The following PHACTR1 variants were observed in gnomAD, a reference collection of about 807,000 sequenced individuals.
PHACTR1 encodes the protein RPEL repeat containing 1.
In PHACTR1, 16 loss-of-function variants were observed where a neutral mutation model predicts 69.2. The ratio of observed to expected loss-of-function variants is 0.23; its 90% confidence interval spans 0.16 to 0.35. The LOEUF is 0.35. Among genes scored for constraint, PHACTR1 ranks in the 10% least tolerant of loss-of-function variants. The probability of loss-of-function intolerance (pLI) is 1.00; values close to 1 mark genes in which losing one functional copy is unlikely to be tolerated. For missense variants in PHACTR1, 510 were observed against 734.7 expected, an observed-to-expected ratio of 0.69 and a Z score of 3.54; for synonymous variants, 312 against 284.5, an observed-to-expected ratio of 1.10 and a Z score of -0.97.
chr6:12,942,009 C>T (rs1790108113), intron 4 of PHACTR1, among the ~76,000 whole-genome samples: 2 of 152,104 alleles, frequency 1.3e-5, no homozygotes, highest in African/African-American at 2.4e-5. Flanking sequence ...ATAAATGGCT[C>T]ATCAATTCCC....
At chr6:13,084,319 A>G (rs1811919062) in intron 5 of PHACTR1, among the ~76,000 whole-genome samples, 1 of 146,114 alleles carries the variant, frequency 6.8e-6, no homozygotes. Context: ...TGGGAATTGA[A>G]CAATGAGAAC....
intron 4 of PHACTR1, among the ~76,000 whole-genome samples, chr6:12,940,687 A>G (rs951897934): frequency 1.1e-4 from 16 of 152,202 alleles, no homozygotes; most frequent in African/African-American, 3.9e-4. Context: ...TAAAGCAAGC[A>G]GGTTGGAGAT....
intron 4 of PHACTR1, among the ~76,000 whole-genome samples, chr6:13,024,673 T>G (rs1466639577): frequency 6.6e-6 from 1 of 152,220 alleles, no homozygotes; most frequent in Non-Finnish European, 1.5e-5. Flanking sequence ...TGTTTTCTAC[T>G]AGTCATGATA....
chr6:12,885,745 T>A (rs1314661868), intron 4 of PHACTR1, among the ~76,000 whole-genome samples: 1 of 152,236 alleles, frequency 6.6e-6, no homozygotes, highest in East Asian at 1.9e-4. Flanking sequence ...TCTCATCTGA[T>A]GCTAGCGATG....
chr6:13,130,685 G>C (rs1820274000), intron 5 of PHACTR1, among the ~76,000 whole-genome samples: 1 of 151,864 alleles, frequency 6.6e-6, no homozygotes. Context: ...CAATAAAAAA[G>C]GTCCAGGACC....
rs760163672 is a variant in PHACTR1 at position 12,749,704 on chromosome 6, T to C, written c.164T>C (p.Ile55Thr). 15 of 1,611,294 alleles carry C rather than the reference T, an allele frequency of 9.3e-6. No homozygotes were observed. The highest frequency in any genetic ancestry group is 1.6e-4 in the Middle Eastern group (1 of 6,074). ...TLMAASSEDD[I>T]DRRPIRRVRS... is the part of the protein sequence containing the mutation. ...ATGGCGGCATCCTCGGAGGATGATA[T>C]AGACCGGCGGCCCATCCGGAGAGTG... The change falls in exon 4 of 15, where the codon ATA (isoleucine) becomes ACA (threonine). Residue 55 changes from isoleucine to threonine, a missense_variant. Physicochemically the swap from Ile to Thr is moderately conservative, Grantham distance 89. This residue lies in a region of PHACTR1 where 419 missense variants were observed against 530.9 expected (regional missense o/e 0.79). Coordinates refer to ENST00000332995, the MANE Select transcript of PHACTR1 (RefSeq NM_030948.6).
In PHACTR1 at chr6:12,718,807, T is replaced by C. The variant is rs1213722105; in HGVS notation, c.63T>C (p.Val21=). The change falls in exon 3 of 15, where the codon GTT becomes GTC. Residue 21 remains valine (V), a synonymous_variant. Coordinates refer to ENST00000332995, the MANE Select transcript of PHACTR1 (RefSeq NM_030948.6). ...AGTCTGCTCACAGACTCTTGGATGT[T>C]GAGTCAGCTCAAAGATTCTTCTACA... ...DVESAHRLLD[V]ESAQRFFYSQ... 1 of 1,573,546 alleles carries C rather than the reference T, an allele frequency of 6.4e-7. No individual in the cohort carries two copies. The highest frequency in any genetic ancestry group is 1.8e-5 in the Admixed American group (1 of 54,442).
intron 4 of PHACTR1, among the ~76,000 whole-genome samples, chr6:12,872,115 C>T: frequency 6.6e-6 from 1 of 152,102 alleles, no homozygotes; most frequent in East Asian, 1.9e-4. Flanking sequence ...CTGATTGCTA[C>T]TGGATTTCCA....
In PHACTR1 at chr6:13,181,652, C is replaced by T. The variant is rs573648165; in HGVS notation, c.497-867C>T. Among the ~76,000 whole-genome samples, 10 of 152,254 alleles carry T rather than the reference C, an allele frequency of 6.6e-5. No homozygotes were observed. The South Asian group carries it at 1.7e-3, about 25-fold the overall frequency. Reference sequence around the variant, plus strand: ...TGCACTACGTGGCGTGATTGGTGGTCGGCACCGGGAGAATTCTGGCACTTC... The same window carrying T: ...TGCACTACGTGGCGTGATTGGTGGTTGGCACCGGGAGAATTCTGGCACTTC... On this transcript the variant is annotated intron_variant, in intron 6 of 14. Transcript: ENST00000332995.
intron 4 of PHACTR1, among the ~76,000 whole-genome samples, chr6:12,846,969 C>G (rs970248483): frequency 2.0e-5 from 3 of 146,496 alleles, no homozygotes; most frequent in African/African-American, 5.2e-5. Context: ...GCCACACACC[C>G]TGCTAATTTT....
At chr6:13,054,292 G>A (rs1806439878) in intron 5 of PHACTR1, among the ~76,000 whole-genome samples, 1 of 152,212 alleles carries the variant, frequency 6.6e-6, no homozygotes, top group Non-Finnish European at 1.5e-5. Flanking sequence ...TTTTAAATAA[G>A]TAAGGGTGTG....
intron 5 of PHACTR1, among the ~76,000 whole-genome samples, chr6:13,140,257 A>G (rs561224021): frequency 1.3e-5 from 2 of 152,326 alleles, no homozygotes; most frequent in East Asian, 1.9e-4. Context: ...TGGAATTACC[A>G]TATAACCCAG....
chr6:12,739,878 A>G (rs1764808715), intron 3 of PHACTR1, among the ~76,000 whole-genome samples: 1 of 152,156 alleles, frequency 6.6e-6, no homozygotes, highest in Non-Finnish European at 1.5e-5. Context: ...GTAGAGCAAC[A>G]TGCACAAATA....
At chr6:13,085,164 A>T (rs1224838973) in intron 5 of PHACTR1, among the ~76,000 whole-genome samples, 1 of 151,988 alleles carries the variant, frequency 6.6e-6, no homozygotes, top group African/African-American at 2.4e-5. Flanking sequence ...AACTCCATTT[A>T]GTGGAGATCT....
At chr6:12,751,193 A>G (rs900602871) in intron 4 of PHACTR1, among the ~76,000 whole-genome samples, 2 of 152,162 alleles carry the variant, frequency 1.3e-5, no homozygotes, top group Admixed American at 6.5e-5. Flanking sequence ...TTGGAATATA[A>G]TTTTCCTGTC....
At chr6:12,825,526 T>C (rs936070845) in intron 4 of PHACTR1, among the ~76,000 whole-genome samples, 2 of 152,234 alleles carry the variant, frequency 1.3e-5, no homozygotes, top group South Asian at 2.1e-4. Context: ...TTTGTGTTAA[T>C]ACAGCCAATT....
chr6:13,247,601 C>T (rs189628158), intron 10 of PHACTR1, among the ~76,000 whole-genome samples: 10 of 152,262 alleles, frequency 6.6e-5, no homozygotes, highest in African/African-American at 2.4e-4. Flanking sequence ...CCGCCTTGGC[C>T]TCCCAAAGTG....
chr6:13,007,818 C>T (rs1305594247), intron 4 of PHACTR1, among the ~76,000 whole-genome samples: 1 of 152,100 alleles, frequency 6.6e-6, no homozygotes, highest in Admixed American at 6.5e-5. Flanking sequence ...ACCTCTTTCT[C>T]CACCTGTTTT....
intron 4 of PHACTR1, among the ~76,000 whole-genome samples, chr6:12,999,371 G>A (rs567077468): frequency 9.1e-4 from 138 of 152,262 alleles, no homozygotes; most frequent in African/African-American, 3.3e-3. Flanking sequence ...AGGCCAGGGT[G>A]GGTGGATCAC....
Sources: allele counts gnomAD v4.1 joint callset (sites outside exome capture counted in the v4.1 genomes callset), GRCh38; gene constraint gnomAD v4.1.1; regional missense constraint gnomAD v4.1.1; transcripts MANE v1.5; gene names NCBI Gene and HGNC (gene_info 2026-07-23, HGNC 2026-07-21).